The following RORA variants were observed in gnomAD, a reference collection of about 807,000 sequenced individuals.
RORA encodes the protein RAR related orphan receptor A, also known as nuclear receptor ROR-alpha.
In RORA, 7 loss-of-function variants were observed where a neutral mutation model predicts 69.5. That is an observed-to-expected ratio of 0.10 (90% CI 0.06 to 0.19). RORA has a LOEUF of 0.19. Ranked by LOEUF, RORA falls within the 10% of genes least tolerant of loss-of-function variation. RORA has a pLI of 1.00. For missense variants in RORA, 457 were observed against 663.0 expected, an observed-to-expected ratio of 0.69 and a Z score of 3.41; for synonymous variants, 261 against 240.8, an observed-to-expected ratio of 1.08 and a Z score of -0.78.
At chr15:60,915,273 C>T (rs1891837018) in intron 1 of RORA, among the ~76,000 whole-genome samples, 1 of 137,320 alleles carries the variant, frequency 7.3e-6, no homozygotes, top group South Asian at 2.6e-4. Flanking sequence ...AGATCATGAG[C>T]ATTGGGACTT....
At chr15:61,067,429 T>G (rs1356695614) in intron 1 of RORA, among the ~76,000 whole-genome samples, 3 of 152,174 alleles carry the variant, frequency 2.0e-5, no homozygotes, top group African/African-American at 7.2e-5. Flanking sequence ...TCATTAATTT[T>G]CAACTTGTGC....
chr15:60,895,151 T>C (rs1370492791), intron 1 of RORA, among the ~76,000 whole-genome samples: 4 of 152,222 alleles, frequency 2.6e-5, no homozygotes, highest in African/African-American at 9.6e-5. Flanking sequence ...TCAAAGAATC[T>C]GCTGAGAAGG....
intron 1 of RORA, among the ~76,000 whole-genome samples, chr15:60,791,100 A>C (rs2072410384): frequency 6.6e-6 from 1 of 152,134 alleles, no homozygotes; most frequent in African/African-American, 2.4e-5. Context: ...CTCTTTTAGA[A>C]TCAAACGTAC....
intron 1 of RORA, among the ~76,000 whole-genome samples, chr15:60,948,417 C>T (rs940271589): frequency 1.3e-5 from 2 of 152,172 alleles, no homozygotes; most frequent in African/African-American, 2.4e-5. Context: ...GAAGTCACTT[C>T]TGGAAGGCAA....
intron 1 of RORA, among the ~76,000 whole-genome samples, chr15:61,157,263 T>C (rs1171772009): frequency 1.3e-5 from 2 of 152,176 alleles, no homozygotes; most frequent in Non-Finnish European, 2.9e-5. Flanking sequence ...GGCATAAATG[T>C]AGGCAACATC....
At chr15:60,939,314 G>C (rs1892617914) in intron 1 of RORA, among the ~76,000 whole-genome samples, 1 of 152,068 alleles carries the variant, frequency 6.6e-6, no homozygotes, top group South Asian at 2.1e-4. Flanking sequence ...CAACTGTCTG[G>C]GCCAGCCTTG....
At chr15:60,827,917 C>T (rs1224398119) in intron 1 of RORA, among the ~76,000 whole-genome samples, 2 of 152,226 alleles carry the variant, frequency 1.3e-5, no homozygotes, top group African/African-American at 4.8e-5. Flanking sequence ...TATAACCGCT[C>T]ATTCATGTTA....
At chr15:60,609,449 C>T (rs900832018) in intron 2 of RORA, among the ~76,000 whole-genome samples, 1 of 151,980 alleles carries the variant, frequency 6.6e-6, no homozygotes, top group African/African-American at 2.4e-5. Context: ...AATGACAGAC[C>T]CAGAAATAAA....
At chr15:60,853,490 T>C (rs1258937872) in intron 1 of RORA, among the ~76,000 whole-genome samples, 3 of 152,310 alleles carry the variant, frequency 2.0e-5, no homozygotes, top group East Asian at 1.9e-4. Flanking sequence ...GACTACAAGA[T>C]TGCTGACTTA....
At chr15:60,998,173 T>C (rs562814299) in intron 1 of RORA, among the ~76,000 whole-genome samples, 23 of 152,244 alleles carry the variant, frequency 1.5e-4, no homozygotes, top group Non-Finnish European at 2.6e-4. Flanking sequence ...ATAATCTTTC[T>C]TTTTTTCTGA....
chr15:61,119,599 G>C (rs780216899), intron 1 of RORA, among the ~76,000 whole-genome samples: 1 of 151,898 alleles, frequency 6.6e-6, no homozygotes, highest in East Asian at 1.9e-4. Flanking sequence ...CACCATAACC[G>C]GTCATCGGGG....
At chr15:60,663,367 T>C (rs569291238) in intron 2 of RORA, among the ~76,000 whole-genome samples, 10 of 152,338 alleles carry the variant, frequency 6.6e-5, no homozygotes, top group Non-Finnish European at 1.3e-4. Flanking sequence ...CAACTTAGCC[T>C]TTATGCCAAG....
At chr15:60,501,170 A>G in intron 8 of RORA, 101 bp from the exon 9 acceptor site, 2 of 581,146 alleles carry the variant, frequency 3.4e-6, no homozygotes, top group Admixed American at 2.9e-5. Flanking sequence ...GTCCAATAGA[A>G]GGTCTTAGGA....
Position 60,543,170 on chromosome 15 carries a change from CTTTTTTTTTTTTTTTTTTTTT to C in RORA, c.197-11340_197-11320del, listed in dbSNP as rs200401959. ...TAGGAATTAAGGATGAAAGTGAAAA[CTTTTTTTTTTTTTTTTTTTTT>C]TTTTTTTTTTTTTTTTTTTTTAAGG... On this transcript the variant is annotated intron_variant, in intron 2 of 10. Coordinates refer to ENST00000335670, the MANE Select transcript of RORA (RefSeq NM_134261.3). 1.2e-3 allele frequency among the ~76,000 whole-genome samples: 148 copies of C among 125,418 alleles called. No homozygotes were observed. The Middle Eastern group carries it at 0.013, about 11-fold the overall frequency. 82.3% of individuals were successfully genotyped at this position (125,418 alleles called of 152,430 possible).
At chr15:60,786,460 T>C (rs1386942499) in intron 1 of RORA, among the ~76,000 whole-genome samples, 2 of 152,246 alleles carry the variant, frequency 1.3e-5, no homozygotes, top group Non-Finnish European at 2.9e-5. Flanking sequence ...CTTTGTGAGA[T>C]GCACCTTGCA....
At chr15:60,561,959 T>A (rs933148650) in intron 2 of RORA, among the ~76,000 whole-genome samples, 1 of 152,156 alleles carries the variant, frequency 6.6e-6, no homozygotes, top group Non-Finnish European at 1.5e-5. Context: ...TTCTTTTTTT[T>A]TGAGACGGAG....
At chr15:61,184,187 A>G (rs1402191183) in intron 1 of RORA, among the ~76,000 whole-genome samples, 1 of 152,206 alleles carries the variant, frequency 6.6e-6, no homozygotes, top group East Asian at 1.9e-4. Flanking sequence ...AAGTTAAAAC[A>G]TAAAATTTGC....
At chr15:60,514,584 G>A (rs199522590) in intron 4 of RORA, 32 bp downstream of exon 4, 69 of 1,610,374 alleles carry the variant, frequency 4.3e-5, no homozygotes, top group Non-Finnish European at 5.3e-5. Context: ...ACAACCCCGT[G>A]CAACTGTACA....
At chr15:60,710,085 C>CT (rs1418369720) in intron 1 of RORA, among the ~76,000 whole-genome samples, 1 of 152,174 alleles carries the variant, frequency 6.6e-6, no homozygotes, top group Non-Finnish European at 1.5e-5. Flanking sequence ...ACACTCAGGG[C>CT]TGGAGGCCCG....
Sources: gnomAD v4.1 joint callset for allele counts (sites outside exome capture counted in the v4.1 genomes callset) on GRCh38, gnomAD v4.1.1 for gene constraint, MANE v1.5 for transcripts, NCBI Gene and HGNC (gene_info 2026-07-23, HGNC 2026-07-21) for gene names.